HPSE2: variants seen among roughly 807,000 people sequenced by gnomAD.
HPSE2 encodes inactive heparanase-2.
Under a neutral mutation model 60.5 loss-of-function variants are expected in HPSE2, and 38 were observed. The ratio of observed to expected loss-of-function variants is 0.63; its 90% confidence interval spans 0.48 to 0.82. The LOEUF is 0.82. Ranked by LOEUF, HPSE2 falls within the 40% of genes least tolerant of loss-of-function variation. HPSE2 has a pLI of 0.00. For missense variants in HPSE2, 713 were observed against 740.4 expected, an observed-to-expected ratio of 0.96 and a Z score of 0.43; for synonymous variants, 295 against 293.2, an observed-to-expected ratio of 1.01 and a Z score of -0.06.
chr10:98,918,736 G>A (rs998483957), intron 3 of HPSE2, among the ~76,000 whole-genome samples: 2 of 146,638 alleles, frequency 1.4e-5, no homozygotes, highest in African/African-American at 2.5e-5. Context: ...GCTAAATGAC[G>A]AGTTAATGGG....
chr10:99,255,883 T>C, the HPSE2 span, among the ~76,000 whole-genome samples: 3 of 152,172 alleles, frequency 2.0e-5, no homozygotes, highest in Non-Finnish European at 2.9e-5. Context: ...GGGTAAGTTA[T>C]AAAGAAAACA....
At chr10:98,726,393 C>A (rs912012240) in intron 4 of HPSE2, among the ~76,000 whole-genome samples, 2 of 150,336 alleles carry the variant, frequency 1.3e-5, no homozygotes, top group Admixed American at 6.7e-5. Context: ...GGACAAAAAA[C>A]CAAATGCCGC....
chr10:98,587,278 A>G (rs1169738490), intron 9 of HPSE2, among the ~76,000 whole-genome samples: 1 of 152,176 alleles, frequency 6.6e-6, no homozygotes, highest in East Asian at 1.9e-4. Flanking sequence ...TTCTCAGCAG[A>G]GCAGAGCAAA....
chr10:98,922,374 G>A (rs1391831517), intron 3 of HPSE2, among the ~76,000 whole-genome samples: 1 of 152,056 alleles, frequency 6.6e-6, no homozygotes. Context: ...TCATTTTGGG[G>A]TACCTAGCAT....
chr10:99,073,662 A>T (rs568169923), intron 3 of HPSE2, among the ~76,000 whole-genome samples: 1 of 152,188 alleles, frequency 6.6e-6, no homozygotes, highest in South Asian at 2.1e-4. Flanking sequence ...AATAATAATA[A>T]TATTCAGTCT....
intron 7 of HPSE2, among the ~76,000 whole-genome samples, chr10:98,624,604 T>C (rs1039116954): frequency 2.0e-5 from 3 of 152,188 alleles, no homozygotes; most frequent in Admixed American, 6.5e-5. Flanking sequence ...CATATATACA[T>C]AATGAAACTG....
At chr10:98,600,807 TGTGC>T (rs1236135984) in intron 9 of HPSE2, among the ~76,000 whole-genome samples, 4 of 112,438 alleles carry the variant, frequency 3.6e-5, no homozygotes, top group Non-Finnish European at 6.4e-5. Context: ...TATACACGTG[TGTGC>T]GTGTGTGTGT....
chr10:99,050,077 T>C (rs1470729783), intron 3 of HPSE2, among the ~76,000 whole-genome samples: 2 of 152,158 alleles, frequency 1.3e-5, no homozygotes, highest in Non-Finnish European at 2.9e-5. Flanking sequence ...GGCAGGAAGA[T>C]TGCTTCAGGC....
chr10:98,690,037 G>T (rs1379704491), intron 6 of HPSE2, among the ~76,000 whole-genome samples: 2 of 152,134 alleles, frequency 1.3e-5, no homozygotes, highest in Non-Finnish European at 2.9e-5. Flanking sequence ...TCCTTGGAAT[G>T]TCTCATGAAT....
chr10:98,877,918 AT>A (rs1398738514), intron 3 of HPSE2, among the ~76,000 whole-genome samples: 3 of 152,016 alleles, frequency 2.0e-5, no homozygotes, highest in Admixed American at 6.6e-5. Flanking sequence ...TCTTAGCCAA[AT>A]GGATAACTTT....
intron 5 of HPSE2, among the ~76,000 whole-genome samples, chr10:98,702,878 A>C (rs962364560): frequency 2.0e-5 from 3 of 152,136 alleles, no homozygotes; most frequent in Non-Finnish European, 2.9e-5. Flanking sequence ...AGAGCTAGAG[A>C]AGCAAGAGCC....
intron 2 of HPSE2, among the ~76,000 whole-genome samples, chr10:99,181,805 C>T (rs1313917077): frequency 1.3e-5 from 2 of 152,042 alleles, no homozygotes; most frequent in African/African-American, 4.8e-5. Context: ...TGCAGCAAAC[C>T]ACCATTGCAC....
intron 9 of HPSE2, among the ~76,000 whole-genome samples, chr10:98,531,576 T>C (rs1943133011): frequency 1.3e-5 from 2 of 152,210 alleles, no homozygotes; most frequent in African/African-American, 4.8e-5. Flanking sequence ...TCATGGCTTA[T>C]AATTCCAAAG....
intron 3 of HPSE2, among the ~76,000 whole-genome samples, chr10:99,073,832 T>C (rs1842874737): frequency 6.6e-6 from 1 of 152,114 alleles, no homozygotes; most frequent in African/African-American, 2.4e-5. Flanking sequence ...ATTGTTTTCT[T>C]AATACCTTTT....
chr10:98,958,696 C>T (rs1450105087), intron 3 of HPSE2, among the ~76,000 whole-genome samples: 1 of 152,048 alleles, frequency 6.6e-6, no homozygotes, highest in Non-Finnish European at 1.5e-5. Context: ...TCAGATCTGC[C>T]TAACTAAACC....
At chr10:99,133,571 C>T (rs1845529776) in intron 3 of HPSE2, among the ~76,000 whole-genome samples, 1 of 152,132 alleles carries the variant, frequency 6.6e-6, no homozygotes, top group South Asian at 2.1e-4. Flanking sequence ...TGTTCTGCAG[C>T]CTCTGCTGGT....
At chr10:98,978,819 T>G (rs1956144067) in intron 3 of HPSE2, among the ~76,000 whole-genome samples, 1 of 152,232 alleles carries the variant, frequency 6.6e-6, no homozygotes, top group Non-Finnish European at 1.5e-5. Context: ...TTTGCATATT[T>G]GTCTACTTGA....
chr10:98,636,581 T>C (rs1039905785), intron 7 of HPSE2, among the ~76,000 whole-genome samples: 23 of 152,190 alleles, frequency 1.5e-4, no homozygotes, highest in African/African-American at 5.6e-4. Flanking sequence ...ATACACGTAT[T>C]GCAATATCAT....
At chr10:98,643,657 A>T (rs1312339990) in intron 6 of HPSE2, among the ~76,000 whole-genome samples, 17 of 152,076 alleles carry the variant, frequency 1.1e-4, no homozygotes, top group Admixed American at 1.1e-3. Flanking sequence ...CTTCATTAGC[A>T]CCTCTGATTT....
Sources: gnomAD v4.1 joint callset for allele counts (sites outside exome capture counted in the v4.1 genomes callset) on GRCh38, gnomAD v4.1.1 for gene constraint, MANE v1.5 for transcripts, NCBI Gene and HGNC (gene_info 2026-07-23, HGNC 2026-07-21) for gene names.